DMD: variants seen among roughly 807,000 people sequenced by gnomAD.
The protein encoded by DMD is mutant dystrophin.
DMD carries 63 observed loss-of-function variants against 330.1 expected under a neutral mutation model. The ratio of observed to expected loss-of-function variants is 0.19; its 90% CI spans 0.16 to 0.24. The LOEUF is 0.24. DMD is among the 10% of genes least tolerant of loss of function. The pLI is 1.00. For synonymous variants in DMD, 1,223 were observed against 959.8 expected, an observed-to-expected ratio of 1.27 and a Z score of -5.07; for missense variants, 3,344 against 2,684.1, an observed-to-expected ratio of 1.25 and a Z score of -5.43.
chrX:33,302,564 C>G (rs1183605357), intron 1 of DMD, among the ~76,000 whole-genome samples: 1 of 111,354 alleles, frequency 9.0e-6, no homozygotes, highest in Non-Finnish European at 1.9e-5. Flanking sequence ...TTACTCTTTC[C>G]ATTTTTCTAT....
intron 78 of DMD, among the ~76,000 whole-genome samples, chrX:31,125,797 T>A (rs1208951814): frequency 1.8e-5 from 2 of 112,260 alleles, no homozygotes; most frequent in Non-Finnish European, 3.8e-5. Context: ...TAAATAGGCA[T>A]TTTAAAAACC....
At chrX:32,545,074 G>A (rs113150020) in intron 17 of DMD, 85 bp downstream of exon 17, 14 of 939,914 alleles carry the variant, frequency 1.5e-5, no homozygotes, top group African/African-American at 9.7e-5. Flanking sequence ...TGGAAATATT[G>A]CTGAAGTGAA....
intron 11 of DMD, among the ~76,000 whole-genome samples, chrX:32,622,278 G>C (rs2058049158): frequency 2.7e-5 from 3 of 111,415 alleles, no homozygotes; most frequent in Non-Finnish European, 5.6e-5. Context: ...GAAAACAGAA[G>C]AACCTAAGGA....
intron 2 of DMD, among the ~76,000 whole-genome samples, chrX:32,931,366 G>A (rs1327734647): frequency 1.8e-5 from 2 of 111,306 alleles, no homozygotes; most frequent in Non-Finnish European, 1.9e-5. Flanking sequence ...GTCGATAGTT[G>A]CGTTATTTAG....
intron 7 of DMD, among the ~76,000 whole-genome samples, chrX:32,778,619 G>C (rs897292322): frequency 3.6e-5 from 4 of 111,967 alleles, no homozygotes; most frequent in African/African-American, 1.3e-4. Flanking sequence ...AATTCTAGAA[G>C]AGATCATGTT....
intron 42 of DMD, among the ~76,000 whole-genome samples, chrX:32,297,245 TTATTTA>T (rs1418860726): frequency 1.3e-5 from 1 of 79,084 alleles, no homozygotes; most frequent in East Asian, 3.8e-4. Context: ...TTTTATTTAT[TTATTTA>T]TTTATTTATT....
intron 26 of DMD, among the ~76,000 whole-genome samples, chrX:32,450,732 A>G (rs5972571): frequency 0.071 from 7,820 of 110,590 alleles, 375 homozygotes; most frequent in African/African-American, 0.16. Context: ...TGAGCTGAAG[A>G]AGGAGCATGC....
intron 43 of DMD, among the ~76,000 whole-genome samples, chrX:32,264,131 G>A (rs1333339635): frequency 9.0e-6 from 1 of 110,834 alleles, no homozygotes; most frequent in East Asian, 2.8e-4. Context: ...ATCATGGGGG[G>A]TGGTCACTCC....
chrX:31,621,525 G>A (rs922181959), intron 55 of DMD, among the ~76,000 whole-genome samples: 4 of 111,836 alleles, frequency 3.6e-5, no homozygotes, highest in African/African-American at 1.3e-4. Context: ...GCAAGGGGCA[G>A]AGAGAGCCAG....
At chrX:32,731,915 T>C (rs1436691496) in intron 7 of DMD, among the ~76,000 whole-genome samples, 1 of 112,239 alleles carries the variant, frequency 8.9e-6, no homozygotes. Flanking sequence ...GGAGAGAGGA[T>C]GACTTTGACG....
chrX:31,485,129 G>A (rs762524698), intron 57 of DMD, among the ~76,000 whole-genome samples: 1 of 112,502 alleles, frequency 8.9e-6, no homozygotes, highest in African/African-American at 3.2e-5. Flanking sequence ...GAAGAAATCA[G>A]AAACTTAAAA....
chrX:31,174,189 CAA>C (rs2040284417), intron 71 of DMD, among the ~76,000 whole-genome samples: 1 of 111,079 alleles, frequency 9.0e-6, no homozygotes, highest in African/African-American at 3.3e-5. Context: ...ATTTCTAGCA[CAA>C]AATAGAATGA....
At chrX:31,670,091 TTTAGA>T (rs1334556919) in intron 53 of DMD, among the ~76,000 whole-genome samples, 4 of 111,915 alleles carry the variant, frequency 3.6e-5, no homozygotes, top group South Asian at 3.7e-4. Context: ...TAATTTCACT[TTTAGA>T]TTATTCATTT....
chrX:31,284,864 CCA>C (rs2053074674), intron 62 of DMD, among the ~76,000 whole-genome samples: 1 of 84,593 alleles, frequency 1.2e-5, no homozygotes, highest in African/African-American at 4.6e-5. Flanking sequence ...ACACACACAC[CCA>C]CACCCACACA....
chrX:32,572,404 A>G (rs1488546133), intron 15 of DMD, among the ~76,000 whole-genome samples: 2 of 111,847 alleles, frequency 1.8e-5, no homozygotes, highest in East Asian at 2.8e-4. Context: ...ATAAAAGTTC[A>G]TATCAAATGA....
chrX:31,724,785 T>C (rs928553511), intron 52 of DMD, among the ~76,000 whole-genome samples: 16 of 111,948 alleles, frequency 1.4e-4, no homozygotes, highest in African/African-American at 5.2e-4. Flanking sequence ...TTTACTTTCT[T>C]AATCACCCTA....
At chrX:32,692,287 G>A (rs1170095582) in intron 9 of DMD, among the ~76,000 whole-genome samples, 4 of 112,112 alleles carry the variant, frequency 3.6e-5, no homozygotes, top group African/African-American at 1.3e-4. Context: ...AGTCTTCAGT[G>A]TACCAATTTA....
chrX:32,553,793 G>A (rs1484019556), intron 16 of DMD, among the ~76,000 whole-genome samples: 3 of 112,010 alleles, frequency 2.7e-5, no homozygotes, highest in Non-Finnish European at 5.6e-5. Context: ...AGTGTTGGAG[G>A]AAGGGCCTGG....
chrX:31,233,117 G>T (rs1368351753), intron 63 of DMD, among the ~76,000 whole-genome samples: 1 of 111,413 alleles, frequency 9.0e-6, no homozygotes, highest in Non-Finnish European at 1.9e-5. Flanking sequence ...TCTCCCTCTT[G>T]ACAGGCGACT....
Sources: gnomAD v4.1 joint callset for allele counts (sites outside exome capture counted in the v4.1 genomes callset) on GRCh38, gnomAD v4.1.1 for gene constraint, MANE v1.5 for transcripts, NCBI Gene and HGNC (gene_info 2026-07-23, HGNC 2026-07-21) for gene names.